BICD2: variants seen among roughly 807,000 people sequenced by gnomAD.
BICD2 encodes the protein BICD cargo adaptor 2.
Under a neutral mutation model 72.9 loss-of-function variants are expected in BICD2, and 25 were observed. The observed-to-expected ratio is 0.34, with a 90% CI of 0.25 to 0.48. The LOEUF is 0.48. Ranked by LOEUF, BICD2 falls within the 20% of genes least tolerant of loss-of-function variation. The pLI, the probability that BICD2 is intolerant of heterozygous loss-of-function variation, is 0.99. For missense variants in BICD2, 894 were observed against 1,175.2 expected, an observed-to-expected ratio of 0.76 and a Z score of 3.50; for synonymous variants, 501 against 516.1, an observed-to-expected ratio of 0.97 and a Z score of 0.40.
intron 1 of BICD2, among the ~76,000 whole-genome samples, chr9:92,752,357 T>C (rs549567188): frequency 1.8e-4 from 27 of 149,610 alleles, no homozygotes; most frequent in Non-Finnish European, 3.4e-4. Context: ...AGAGGCACCA[T>C]GATGTGGTAT....
intron 1 of BICD2, among the ~76,000 whole-genome samples, chr9:92,744,863 G>C (rs974573010): frequency 8.6e-5 from 13 of 151,886 alleles, no homozygotes; most frequent in South Asian, 2.1e-4. Flanking sequence ...GAAAAAAAAG[G>C]AAAAGCTGCA....
At chr9:92,751,194 A>G (rs1854143145) in intron 1 of BICD2, among the ~76,000 whole-genome samples, 1 of 151,228 alleles carries the variant, frequency 6.6e-6, no homozygotes, top group Non-Finnish European at 1.5e-5. Flanking sequence ...TCTGTCCCCC[A>G]GGTTGGAATG....
intron 6 of BICD2, among the ~76,000 whole-genome samples, chr9:92,716,316 A>G (rs752743379): frequency 2.0e-5 from 3 of 152,184 alleles, no homozygotes; most frequent in Non-Finnish European, 2.9e-5. Context: ...CTCCATCTGA[A>G]AAGTTTTTAA....
intron 1 of BICD2, among the ~76,000 whole-genome samples, chr9:92,729,541 C>T (rs1262970246): frequency 6.6e-6 from 1 of 152,246 alleles, no homozygotes; most frequent in African/African-American, 2.4e-5. Context: ...CTACAGTGGG[C>T]ATGTGTGACA....
At chr9:92,723,462 G>A (rs1322663895) in intron 2 of BICD2, among the ~76,000 whole-genome samples, 1 of 152,220 alleles carries the variant, frequency 6.6e-6, no homozygotes, top group Non-Finnish European at 1.5e-5. Flanking sequence ...GGCCTGTCAC[G>A]AGAGGCCATG....
intron 2 of BICD2, among the ~76,000 whole-genome samples, chr9:92,727,660 T>C (rs1375812753): frequency 6.6e-6 from 1 of 152,196 alleles, no homozygotes; most frequent in Non-Finnish European, 1.5e-5. Context: ...CACCTCCATC[T>C]TGGTGATGGG....
chr9:92,718,875 C>G lies in BICD2; in HGVS notation c.1770G>C (p.Leu590=), dbSNP rs1347133721. The change falls in exon 5 of 7, where the codon CTG becomes CTC. Residue 590 remains leucine (L), a synonymous_variant. Coordinates refer to ENST00000356884, the MANE Select transcript of BICD2 (RefSeq NM_001003800.2). The stretch of plus-strand genomic sequence containing the variant: ...CTGCTCGGCCCGCCTCAGGAGCCAG[C>G]AGCCCCTTGGGTAGGAGGATGGGTG... The part of the protein sequence containing the change: ...RRSPILLPKG[L]LAPEAGRADG... 2 of 1,602,176 alleles carry G rather than the reference C, an allele frequency of 1.2e-6. No homozygotes were observed. Among genetic ancestry groups the G allele is most frequent in the Non-Finnish European group, 8.5e-7 (1 of 1,175,114 alleles).
In BICD2 at chr9:92,714,151, C is replaced by A; in HGVS notation, c.*1003G>T. The A allele has an allele frequency of 2.0e-6, 2 of 985,636 alleles. No homozygotes were observed. The highest frequency in any genetic ancestry group is 2.4e-6 in the Non-Finnish European group (2 of 830,096). 61.1% of individuals were successfully genotyped at this position (985,636 alleles called of 1,614,324 possible). A position where few individuals can be genotyped will look rare whatever the true frequency, so the allele number is the denominator to read the frequency against. ...CCTACCTGTGAATCCTGACAAGTGG[C>A]CCTGGCCCTATGCAAAGCTTTCCCA... is the stretch of plus-strand genomic sequence containing the variant. On this transcript the variant is annotated 3_prime_UTR_variant, in exon 7 of 7. Transcript: ENST00000356884.
chr9:92,743,552 C>T (rs1853942185), intron 1 of BICD2, among the ~76,000 whole-genome samples: 1 of 152,088 alleles, frequency 6.6e-6, no homozygotes, highest in South Asian at 2.1e-4. Context: ...CTCTATAAGT[C>T]TCCTTAAGTA....
rs749331194 is a variant in BICD2, at chr9:92,713,888, C to T, written c.*1266G>A. The T allele has an allele frequency of 1.6e-4, 163 of 1,004,318 alleles. No homozygotes were observed. The highest frequency in any genetic ancestry group is 1.8e-4 in the Non-Finnish European group (155 of 841,260). 62.2% of individuals were successfully genotyped at this position (1,004,318 alleles called of 1,614,324 possible). A position where few individuals can be genotyped will look rare whatever the true frequency, so the allele number is the denominator to read the frequency against. Reference sequence around the variant, plus strand: ...CAACACGGTCTCTCACCAGGTAACTCGAATGCCTCTTCCGCATGAGAGACA... The same window carrying T: ...CAACACGGTCTCTCACCAGGTAACTTGAATGCCTCTTCCGCATGAGAGACA... On this transcript the variant is annotated 3_prime_UTR_variant, in exon 7 of 7. Transcript: ENST00000356884.
At position 92,721,920 on chromosome 9, in the gene BICD2, T is replaced by G. The variant is rs1354013843; in HGVS notation, c.606+736A>C. ...CTGCATAAACACATGAGCTTCCTCC[T>G]CCGGGCATAAATACCACATTCCCTG... is the stretch of plus-strand genomic sequence containing the variant. On this transcript the variant is annotated intron_variant, in intron 3 of 6. Coordinates refer to ENST00000356884, the MANE Select transcript of BICD2 (RefSeq NM_001003800.2). Among the ~76,000 whole-genome samples, 3 of 152,336 alleles carry G rather than the reference T, an allele frequency of 2.0e-5. No individual in the cohort carries two copies. The East Asian group carries it at 5.8e-4, about 29-fold the overall frequency.
intron 2 of BICD2, among the ~76,000 whole-genome samples, chr9:92,727,758 G>A (rs1396881726): frequency 2.0e-5 from 3 of 151,988 alleles, no homozygotes; most frequent in East Asian, 1.9e-4. Flanking sequence ...CCCACTCCCC[G>A]TGTAGCCACC....
At chr9:92,750,453 GA>G (rs200390644) in intron 1 of BICD2, among the ~76,000 whole-genome samples, 42,371 of 139,388 alleles carry the variant, frequency 0.3, 6,908 homozygotes, top group East Asian at 0.77. Flanking sequence ...TGTGATTTAA[GA>G]AAAAAAAAAA....
At chr9:92,736,610 T>C (rs966703457) in intron 1 of BICD2, among the ~76,000 whole-genome samples, 3 of 152,194 alleles carry the variant, frequency 2.0e-5, no homozygotes, top group Non-Finnish European at 2.9e-5. Context: ...AATTCTTTAT[T>C]CCTTTACTTT....
rs1853351184 is a variant in BICD2, at chr9:92,717,891, C to T, written c.2164G>A (p.Val722Ile). 1 of 1,613,422 alleles carries T rather than the reference C, an allele frequency of 6.2e-7. No individual in the cohort carries two copies. The highest frequency in any genetic ancestry group is 1.1e-5 in the South Asian group (1 of 91,056). The part of the protein sequence containing the change: ...KSKYENEKAM[V>I]TETMMKLRNE... The stretch of plus-strand genomic sequence containing the variant: ...CGCAGCTTCATCATGGTCTCGGTAA[C>T]CATGGCCTTCTCATTCTCATACTTG... The change falls in exon 6 of 7, where the codon GTT (valine) becomes ATT (isoleucine). Residue 722 changes from valine to isoleucine, a missense_variant. By Grantham distance (29) the Val-to-Ile change is conservative. This residue lies in a region of BICD2 where 321 missense variants were observed against 443.9 expected (regional missense o/e 0.72). Coordinates refer to ENST00000356884, the MANE Select transcript of BICD2 (RefSeq NM_001003800.2).
intron 3 of BICD2, among the ~76,000 whole-genome samples, chr9:92,721,329 C>T (rs1853460733): frequency 1.3e-5 from 2 of 152,140 alleles, no homozygotes; most frequent in African/African-American, 4.8e-5. Context: ...AACATCTCAA[C>T]CACTAAACCT....
intron 2 of BICD2, among the ~76,000 whole-genome samples, chr9:92,724,470 C>T (rs1184423445): frequency 6.6e-6 from 1 of 152,220 alleles, no homozygotes; most frequent in African/African-American, 2.4e-5. Flanking sequence ...TTAAAACCTA[C>T]AGCAAATGGA....
chr9:92,746,559 A>G (rs1301122575), intron 1 of BICD2, among the ~76,000 whole-genome samples: 1 of 151,712 alleles, frequency 6.6e-6, no homozygotes, highest in Non-Finnish European at 1.5e-5. Flanking sequence ...AGAAAGAAAC[A>G]TGGAAGCACA....
At chr9:92,719,850 A>T (rs1853422371) in intron 4 of BICD2, among the ~76,000 whole-genome samples, 1 of 152,192 alleles carries the variant, frequency 6.6e-6, no homozygotes, top group Non-Finnish European at 1.5e-5. Context: ...GCTACAGGGG[A>T]TCTGGGCTAA....
Sources: allele counts gnomAD v4.1 joint callset (sites outside exome capture counted in the v4.1 genomes callset), GRCh38; gene constraint gnomAD v4.1.1; regional missense constraint gnomAD v4.1.1; transcripts MANE v1.5; gene names NCBI Gene and HGNC (gene_info 2026-07-23, HGNC 2026-07-21).